KYNU: variants seen among roughly 807,000 people sequenced by gnomAD.
KYNU encodes kynureninase.
KYNU carries 54 observed loss-of-function variants against 59.2 expected under a neutral mutation model. That is an observed-to-expected ratio of 0.91 (90% CI 0.73 to 1.14). The LOEUF is 1.14. Among genes scored for constraint, KYNU ranks in the 50% most tolerant of loss-of-function variants. The pLI is 0.00. For synonymous variants in KYNU, 177 were observed against 192.0 expected (o/e 0.92, Z 0.65); for missense variants, 567 against 554.4 (o/e 1.02, Z -0.23).
chr2:142,946,861 T>C (rs1205953754), intron 4 of KYNU, among the ~76,000 whole-genome samples: 1 of 152,242 alleles, frequency 6.6e-6, no homozygotes, highest in Non-Finnish European at 1.5e-5. Flanking sequence ...TCATCTACAC[T>C]GAAAATCCGT....
intron 2 of KYNU, among the ~76,000 whole-genome samples, chr2:142,901,093 G>A (rs547726787): frequency 3.4e-4 from 51 of 151,768 alleles, no homozygotes; most frequent in African/African-American, 1.2e-3. Flanking sequence ...GAAATGTATG[G>A]CCTGCAGTGC....
At chr2:142,908,214 A>C (rs1682361745) in intron 2 of KYNU, among the ~76,000 whole-genome samples, 1 of 152,162 alleles carries the variant, frequency 6.6e-6, no homozygotes, top group South Asian at 2.1e-4. Flanking sequence ...AATGGGAAAC[A>C]ATGTAATTTT....
chr2:142,937,027 C>T (rs538156783), intron 4 of KYNU, among the ~76,000 whole-genome samples: 8 of 152,224 alleles, frequency 5.3e-5, no homozygotes, highest in South Asian at 4.1e-4. Context: ...CAAGTGAGGA[C>T]GGGATAAAGG....
chr2:142,960,567 T>A, intron 7 of KYNU, 57 bp from the exon 8 acceptor site: 1 of 1,515,048 alleles, frequency 6.6e-7, no homozygotes, highest in Non-Finnish European at 9.1e-7. Context: ...ATCGGCAATA[T>A]GAAATTACAA....
chr2:143,017,005 G>A (rs1686267866), intron 10 of KYNU, among the ~76,000 whole-genome samples: 1 of 152,068 alleles, frequency 6.6e-6, no homozygotes, highest in African/African-American at 2.4e-5. Flanking sequence ...TGCGATATTT[G>A]GTTTTCTGTT....
At chr2:142,933,801 C>A (rs1683301103) in intron 4 of KYNU, among the ~76,000 whole-genome samples, 1 of 152,018 alleles carries the variant, frequency 6.6e-6, no homozygotes, top group South Asian at 2.1e-4. Context: ...AGGGCCTGTC[C>A]AAAAAGATGG....
rs1687194661 is a variant in KYNU at position 143,047,947 on chromosome 2, C to A, written c.*5775C>A. ...GATCTCAGCTCACTGCGGGTTCAAG[C>A]AATTTTCATGCCTCAGCCTCCCAAG... On this transcript the variant is annotated 3_prime_UTR_variant, in exon 14 of 14. Coordinates refer to ENST00000264170, the MANE Select transcript of KYNU (RefSeq NM_003937.3). The A allele has an allele frequency of 6.7e-6, 1 of 149,250 alleles. No homozygotes were observed. The highest frequency in any genetic ancestry group is 1.5e-5 in the Non-Finnish European group (1 of 67,660). 9.2% of individuals were successfully genotyped at this position (149,250 alleles called of 1,614,324 possible).
At chr2:142,911,483 G>A (rs191862232) in intron 2 of KYNU, among the ~76,000 whole-genome samples, 2 of 152,074 alleles carry the variant, frequency 1.3e-5, no homozygotes, top group East Asian at 3.9e-4. Flanking sequence ...GGTTTTCTAG[G>A]TATAGAATCT....
intron 8 of KYNU, among the ~76,000 whole-genome samples, chr2:142,981,353 G>A (rs1442072991): frequency 6.6e-6 from 1 of 152,072 alleles, no homozygotes; most frequent in African/African-American, 2.4e-5. Context: ...CATAAAAGTT[G>A]CTTTAATTGG....
chr2:143,038,790 G>T (rs1285199493), intron 12 of KYNU, among the ~76,000 whole-genome samples: 1 of 152,026 alleles, frequency 6.6e-6, no homozygotes, highest in Non-Finnish European at 1.5e-5. Context: ...TTATTAGAGT[G>T]CCTGCCTACA....
intron 2 of KYNU, among the ~76,000 whole-genome samples, chr2:142,891,386 G>GA (rs1295905011): frequency 2.8e-4 from 42 of 148,510 alleles, no homozygotes; most frequent in Non-Finnish European, 4.2e-4. Context: ...TATATTTGGA[G>GA]AAAAAAAAAC....
At chr2:142,968,198 G>A (rs895143707) in intron 8 of KYNU, among the ~76,000 whole-genome samples, 2 of 152,102 alleles carry the variant, frequency 1.3e-5, no homozygotes, top group African/African-American at 4.8e-5. Flanking sequence ...TTATAATAAA[G>A]GAGTTGCAAA....
At position 142,984,002 on chromosome 2, in the gene KYNU, G is replaced by A. The variant is rs140044341; in HGVS notation, c.730-1082G>A. Among the ~76,000 whole-genome samples, 27 of 152,054 alleles carry A rather than the reference G, an allele frequency of 1.8e-4. 1 individual carries two copies. In the East Asian group the frequency reaches 4.3e-3, roughly 24 times the overall value. Reference sequence around the variant, plus strand: ...GCAGGAGTAGTTGAATAGCCTTTCCGTCAATTTTGTGTATTCTTTGATACT... The same window carrying A: ...GCAGGAGTAGTTGAATAGCCTTTCCATCAATTTTGTGTATTCTTTGATACT... On this transcript the variant is annotated intron_variant, in intron 8 of 13. Transcript: ENST00000264170.
intron 10 of KYNU, among the ~76,000 whole-genome samples, chr2:142,991,845 A>G (rs1258933595): frequency 1.3e-5 from 2 of 151,934 alleles, no homozygotes; most frequent in East Asian, 3.9e-4. Flanking sequence ...CATAATTTTT[A>G]GCCCTTATTT....
At chr2:143,020,425 T>C (rs1406263855) in intron 10 of KYNU, among the ~76,000 whole-genome samples, 1 of 152,158 alleles carries the variant, frequency 6.6e-6, no homozygotes, top group Non-Finnish European at 1.5e-5. Flanking sequence ...TTTCCATGTA[T>C]TTGTACAGTT....
chr2:142,937,236 C>G (rs1446236260), intron 4 of KYNU, among the ~76,000 whole-genome samples: 2 of 151,974 alleles, frequency 1.3e-5, no homozygotes, highest in African/African-American at 4.8e-5. Flanking sequence ...GGTACTGGGC[C>G]TGAGAAGGGA....
chr2:142,947,129 C>T (rs202243090), intron 4 of KYNU: 1 of 1,551,028 alleles, frequency 6.4e-7, no homozygotes, highest in Non-Finnish European at 8.7e-7. Context: ...AGACCCCCAA[C>T]ACAATCAACC....
At chr2:142,972,708 C>T (rs910438178) in intron 8 of KYNU, among the ~76,000 whole-genome samples, 5 of 151,714 alleles carry the variant, frequency 3.3e-5, no homozygotes, top group African/African-American at 9.7e-5. Context: ...TACCAAAGCT[C>T]TCTTTCCACA....
Position 142,931,084 on chromosome 2 carries a change from C to T in KYNU, c.373+3343C>T, listed in dbSNP as rs118051786. ...TCGATCTTCAGGGTTACGTGTCTTC[C>T]GGCCAGGGTAGCTGTCTTTCGGTCG... is the stretch of plus-strand genomic sequence containing the variant. On this transcript the variant is annotated intron_variant, in intron 4 of 13. Transcript: ENST00000264170. 9.1e-4 allele frequency among the ~76,000 whole-genome samples: 139 copies of T among 152,310 alleles called. 2 individuals carry two copies. Among genetic ancestry groups the T allele is most frequent in the Admixed American group, 4.6e-3 (70 of 15,298 alleles).
Sources: allele counts gnomAD v4.1 joint callset (sites outside exome capture counted in the v4.1 genomes callset), GRCh38; gene constraint gnomAD v4.1.1; transcripts MANE v1.5; gene names NCBI Gene and HGNC (gene_info 2026-07-23, HGNC 2026-07-21).